The following SELENOO variants were observed in gnomAD, a reference collection of about 807,000 sequenced individuals.
SELENOO encodes selenoprotein O.
SELENOO carries 74 observed loss-of-function variants against 58.7 expected under a neutral mutation model. That is an observed-to-expected ratio of 1.26 (90% CI 1.04 to 1.53). The LOEUF (loss-of-function observed/expected upper bound fraction) is 1.53. SELENOO is among the 40% of genes most tolerant of loss of function. The pLI, the probability that SELENOO is intolerant of heterozygous loss-of-function variation, is 0.00. For synonymous variants in SELENOO, 543 were observed against 453.2 expected (o/e 1.20, Z -2.52); for missense variants, 1,149 against 970.0 (o/e 1.18, Z -2.45).
chr22:50,213,485 G>A (rs939038170), intron 5 of SELENOO, among the ~76,000 whole-genome samples: 3 of 150,866 alleles, frequency 2.0e-5, no homozygotes, highest in African/African-American at 4.8e-5. Flanking sequence ...TGGAGAAGAC[G>A]GTGTGCTCTC....
At chr22:50,202,718 TAAC>T (rs1313987045) in intron 1 of SELENOO, among the ~76,000 whole-genome samples, 2 of 152,206 alleles carry the variant, frequency 1.3e-5, no homozygotes, top group Non-Finnish European at 2.9e-5. Context: ...ACTTGAGTAT[TAAC>T]TCACTGCTTT....
rs537237422 is a variant in SELENOO at position 50,217,465 on chromosome 22, A to T, written c.*96A>T. ...GCCAGGCTGCCCTATACACTGGGGG[A>T]TTCTGCCCTGGCCCATGCACACCCG... On this transcript the variant is annotated 3_prime_UTR_variant, in exon 9 of 9. Transcript: ENST00000380903. 15 of 1,436,556 alleles carry T rather than the reference A, an allele frequency of 1.0e-5. No individual in the cohort carries two copies. The African/African-American group carries it at 2.0e-4, about 19-fold the overall frequency. 89.0% of individuals were successfully genotyped at this position (1,436,556 alleles called of 1,614,324 possible).
chr22:50,201,151 G>C lies in SELENOO; in HGVS notation c.115G>C (p.Glu39Gln). Residue 39 changes from glutamate (E) to glutamine (Q), a missense_variant, in exon 1 of 9, where the codon GAG (glutamate) becomes CAG (glutamine). Physicochemically the swap from Glu to Gln is conservative, Grantham distance 29. Transcript: ENST00000380903. ...CTCTACGTTGTCGGGCGCCGCCATG[G>C]AGCCCGCGCCTCGCTGGCTGGCGGG... ...PRSTLSGAAM[E>Q]PAPRWLAGLR... 7.9e-7 allele frequency: 1 copy of C among 1,270,580 alleles called. No homozygotes were observed. Among genetic ancestry groups the C allele is most frequent in the East Asian group, 3.2e-5 (1 of 30,952 alleles). 78.7% of individuals were successfully genotyped at this position (1,270,580 alleles called of 1,614,324 possible).
intron 5 of SELENOO, among the ~76,000 whole-genome samples, chr22:50,214,089 AC>A (rs2064389833): frequency 6.6e-6 from 1 of 152,114 alleles, no homozygotes; most frequent in Non-Finnish European, 1.5e-5. Flanking sequence ...TATAATTTTT[AC>A]ATTTTTATTG....
chr22:50,211,049 C>G, intron 5 of SELENOO, 138 bp downstream of exon 5: 1 of 869,818 alleles, frequency 1.1e-6, no homozygotes, highest in South Asian at 1.6e-5. Context: ...CCATTCTACT[C>G]TCTGTCTTTA....
rs776802121 is a variant in SELENOO, at chr22:50,217,346, CTG to C, written c.1990_1991del (p.Cys664ArgfsTer25). 32 of 1,612,772 alleles carry C rather than the reference CTG, an allele frequency of 2.0e-5. No homozygotes were observed. Among genetic ancestry groups the C allele is most frequent in the Middle Eastern group, 1.6e-4 (1 of 6,084 alleles). On this transcript the variant is annotated frameshift_variant, in exon 9 of 9. Coordinates refer to ENST00000380903, the MANE Select transcript of SELENOO (RefSeq NM_031454.2). LOFTEE classifies it high-confidence loss of function. Reference sequence around the variant, plus strand: ...TAAGCCCCCGCTCTGGGCAGCAGAACTGTGCGTGACATGATCTTCGTAACGGC... The same window carrying C: ...TAAGCCCCCGCTCTGGGCAGCAGAACTGCGTGACATGATCTTCGTAACGGC... ...SSKPPLWAAELCVTUSS is the reference protein window; with the variant it reads ...SSKPPLWAAEXCVTUSS
At chr22:50,201,952 GACTT>G (rs1203599169) in intron 1 of SELENOO, among the ~76,000 whole-genome samples, 1 of 152,238 alleles carries the variant, frequency 6.6e-6, no homozygotes, top group African/African-American at 2.4e-5. Flanking sequence ...CTCTGCGACT[GACTT>G]CACGGAGGCC....
intron 3 of SELENOO, 108 bp from the exon 4 acceptor site, chr22:50,210,073 G>A (rs1434654649): frequency 7.5e-7 from 1 of 1,327,480 alleles, no homozygotes; most frequent in Non-Finnish European, 1.0e-6. Flanking sequence ...TGCAGAGTGA[G>A]AGCCACTCAG....
chr22:50,213,866 T>G (rs1357902493), intron 5 of SELENOO, among the ~76,000 whole-genome samples: 1 of 151,858 alleles, frequency 6.6e-6, no homozygotes, highest in Non-Finnish European at 1.5e-5. Context: ...GCCAGGATGG[T>G]CTTGATCGCC....
At position 50,210,764 on chromosome 22, in the gene SELENOO, G is replaced by A; in HGVS notation, c.1204G>A (p.Gly402Arg). 1 of 1,613,818 alleles carries A rather than the reference G, an allele frequency of 6.2e-7. No homozygotes were observed. The highest frequency in any genetic ancestry group is 8.5e-7 in the Non-Finnish European group (1 of 1,180,024). Residue 402 changes from glycine to arginine, a missense_variant, in exon 5 of 9, where the codon GGG becomes AGG. Coordinates refer to ENST00000380903, the MANE Select transcript of SELENOO (RefSeq NM_031454.2). ...ALQPELPLEL[G>R]EAILAEEFDA... The stretch of plus-strand genomic sequence containing the variant: ...GCAGCCGGAACTGCCCCTGGAGCTG[G>A]GGGAGGCCATCCTGGCCGAGGAGTT...
intron 5 of SELENOO, among the ~76,000 whole-genome samples, chr22:50,213,392 TC>T (rs1208235763): frequency 2.6e-5 from 4 of 152,126 alleles, no homozygotes; most frequent in Admixed American, 2.6e-4. Flanking sequence ...CTAGCTTCAT[TC>T]CATTGTGACT....
chr22:50,206,684 C>T (rs559503835), intron 2 of SELENOO, among the ~76,000 whole-genome samples, 164 bp downstream of exon 2: 2 of 152,320 alleles, frequency 1.3e-5, no homozygotes, highest in African/African-American at 2.4e-5. Flanking sequence ...TGCCTGTCCG[C>T]GAAGTAGCTG....
rs2064369717 is a variant in SELENOO at position 50,211,260 on chromosome 22, T to TC, written c.1351+351dup. On this transcript the variant is annotated intron_variant, in intron 5 of 8. Coordinates refer to ENST00000380903, the MANE Select transcript of SELENOO (RefSeq NM_031454.2). ...ATCCACGACATACTGGCGTACGTGT[T>TC]CCTCTTCTGGCTGTTGCGTACGGTG... Among the ~76,000 whole-genome samples the TC allele has an allele frequency of 2.0e-5, 3 of 152,306 alleles. No individual in the cohort carries two copies. In the East Asian group the frequency reaches 5.8e-4, roughly 29 times the overall value.
At chr22:50,205,407 C>T (rs536234698) in intron 1 of SELENOO, among the ~76,000 whole-genome samples, 2 of 152,282 alleles carry the variant, frequency 1.3e-5, no homozygotes, top group South Asian at 4.1e-4. Flanking sequence ...GCAACATAAA[C>T]CCCGTCTTTA....
At position 50,208,548 on chromosome 22, in the gene SELENOO, T is replaced by C; in HGVS notation, c.771T>C (p.Phe257=). The part of the protein sequence containing the change: ...VASTFIRFGS[F]EIFKSADEHT... ...GTCTTCCCTCCAGGTTTGGATCCTTTGAGATTTTTAAGTCTGCAGATGAGC... is the reference window on the plus strand; with the variant it reads ...GTCTTCCCTCCAGGTTTGGATCCTTCGAGATTTTTAAGTCTGCAGATGAGC... Residue 257 remains phenylalanine, a synonymous_variant, in exon 3 of 9, where the codon TTT becomes TTC. Transcript: ENST00000380903. 1 of 1,613,302 alleles carries C rather than the reference T, an allele frequency of 6.2e-7. No individual in the cohort carries two copies. The highest frequency in any genetic ancestry group is 8.5e-7 in the Non-Finnish European group (1 of 1,179,526).
At chr22:50,204,623 A>C (rs1602487900) in intron 1 of SELENOO, among the ~76,000 whole-genome samples, 3 of 27,534 alleles carry the variant, frequency 1.1e-4, no homozygotes, top group Non-Finnish European at 2.5e-4. Flanking sequence ...CCTGTCTCAA[A>C]AAAAAAAAAA....
Position 50,206,283 on chromosome 22 carries a change from C to A in SELENOO, c.555-34C>A, listed in dbSNP as rs777471467. The A allele has an allele frequency of 5.6e-6, 9 of 1,596,124 alleles. No individual in the cohort carries two copies. In the East Asian group the frequency reaches 1.3e-4, roughly 24 times the overall value. On this transcript the variant is annotated intron_variant, in intron 1 of 8. Coordinates refer to ENST00000380903, the MANE Select transcript of SELENOO (RefSeq NM_031454.2). ...TCCTGGTGTTGGGTGACCTCCTGAC[C>A]GGCCCACGTAGTGAACTCTGTGTTT...
In SELENOO at chr22:50,202,246, CT is replaced by C. The variant is rs531841790; in HGVS notation, c.554+657del. Among the ~76,000 whole-genome samples the C allele has an allele frequency of 6.6e-5, 10 of 151,112 alleles. No individual in the cohort carries two copies. The East Asian group carries it at 1.9e-3, about 29-fold the overall frequency. ...TGTACATTTTATGTTCAGAGAAATG[CT>C]AAACCCGCATCTCATCCGGCCCCTC... On this transcript the variant is annotated intron_variant, in intron 1 of 8. Coordinates refer to ENST00000380903, the MANE Select transcript of SELENOO (RefSeq NM_031454.2).
chr22:50,205,977 G>C, intron 1 of SELENOO: 1 of 356,752 alleles, frequency 2.8e-6, no homozygotes, highest in South Asian at 2.8e-5. Context: ...GTGTCCCATG[G>C]GGCAGGGCTG....
Sources: gnomAD v4.1 joint callset for allele counts (sites outside exome capture counted in the v4.1 genomes callset) on GRCh38, gnomAD v4.1.1 for gene constraint, MANE v1.5 for transcripts, NCBI Gene and HGNC (gene_info 2026-07-23, HGNC 2026-07-21) for gene names.